ADGRG2: variants seen among roughly 807,000 people sequenced by gnomAD.
ADGRG2 encodes G protein-coupled receptor 64.
In ADGRG2, 26 loss-of-function variants were observed where a neutral mutation model predicts 74.1. The observed-to-expected ratio is 0.35, with a 90% CI of 0.26 to 0.49. The LOEUF (loss-of-function observed/expected upper bound fraction) is 0.49, where lower values mean the gene tolerates loss of function less well. Among genes scored for constraint, ADGRG2 ranks in the 20% least tolerant of loss-of-function variants. ADGRG2 has a pLI of 0.99. For synonymous variants in ADGRG2, 296 were observed against 295.2 expected (o/e 1.00, Z -0.03); for missense variants, 619 against 763.1 (o/e 0.81, Z 2.22).
intron 17 of ADGRG2, among the ~76,000 whole-genome samples, chrX:19,009,999 C>T (rs1440750097): frequency 8.1e-5 from 9 of 110,910 alleles, no homozygotes; most frequent in East Asian, 2.8e-4. Flanking sequence ...TTAGTAGAGA[C>T]GGGGTTTCAC....
chrX:18,996,132 A>G lies in ADGRG2; in HGVS notation c.2635T>C (p.Tyr879His), dbSNP rs2060013928. ...CTGACATTTTCTTTGGCCACACAGT[A>G]AAAGATGAATATGAAAAATCCTAAG... ...TLQGFFIFIF[Y>H]CVAKENVRKQ... Residue 879 changes from tyrosine (Y) to histidine (H), a missense_variant, in exon 27 of 29, where the codon TAC becomes CAC. Physicochemically the swap from Tyr to His is moderately conservative, Grantham distance 83 (BLOSUM62 2). Transcript: ENST00000379869. 1.7e-6 allele frequency: 2 copies of G among 1,148,632 alleles called. No individual in the cohort carries two copies. Among genetic ancestry groups the G allele is most frequent in the East Asian group, 6.0e-5 (2 of 33,515 alleles). The allele number at this position is 1,148,632 out of a possible 1,213,427, so 94.7% of individuals were successfully genotyped here. A position where few individuals can be genotyped will look rare whatever the true frequency, so the allele number is the denominator to read the frequency against.
chrX:19,110,047 T>C (rs1370827729), intron 1 of ADGRG2, among the ~76,000 whole-genome samples: 1 of 111,824 alleles, frequency 8.9e-6, no homozygotes, highest in Non-Finnish European at 1.9e-5. Flanking sequence ...TTAGTGAGTA[T>C]CTTCCATGTG....
At position 19,037,484 on chromosome X, in the gene ADGRG2, T is replaced by A. The variant is rs1219169339; in HGVS notation, c.209A>T (p.Glu70Val). ...ATTCTTACCATTGAGGCTTGTTGTT[T>A]CAACCTCTTTTTGTCCCGAGGAGAA... The part of the protein sequence containing the change: ...APSSNGTPEV[E>V]TTSLNDVTLS... Residue 70 changes from glutamate (E) to valine (V), a missense_variant, in exon 6 of 29, where the codon GAA becomes GTA. Transcript: ENST00000379869. The A allele has an allele frequency of 8.5e-7, 1 of 1,179,459 alleles. No individual in the cohort carries two copies. The highest frequency in any genetic ancestry group is 1.8e-5 in the African/African-American group (1 of 56,633).
chrX:19,032,714 C>T (rs1316384296), intron 8 of ADGRG2: 2 of 111,311 alleles, frequency 1.8e-5, no homozygotes, highest in East Asian at 2.8e-4. Context: ...TGCAACCACT[C>T]GTGTTTTACG....
chrX:19,019,355 T>A (rs2146622590), intron 15 of ADGRG2, among the ~76,000 whole-genome samples: 1 of 111,284 alleles, frequency 9.0e-6, no homozygotes, highest in Non-Finnish European at 1.9e-5. Flanking sequence ...TGACAAAACA[T>A]TTAGTTGGTG....
At chrX:19,080,996 G>A (rs1021487001) in intron 2 of ADGRG2, among the ~76,000 whole-genome samples, 1 of 110,484 alleles carries the variant, frequency 9.1e-6, no homozygotes, top group Non-Finnish European at 1.9e-5. Flanking sequence ...TTCTATGCCA[G>A]GGACTTGAGA....
chrX:19,045,294 G>GTTATTATTATTATTATTATTATTATTA (rs3056193), intron 3 of ADGRG2, among the ~76,000 whole-genome samples: 5 of 95,381 alleles, frequency 5.2e-5, no homozygotes, highest in African/African-American at 1.2e-4. Context: ...GGGGGGTGTT[G>GTTATTATTATTATTATTATTATTATTA]TTATTATTAT....
intron 26 of ADGRG2, among the ~76,000 whole-genome samples, chrX:18,997,903 A>C (rs1315637331): frequency 8.9e-6 from 1 of 112,952 alleles, no homozygotes; most frequent in Non-Finnish European, 1.9e-5. Flanking sequence ...ACTAAGGGAC[A>C]GTGAATTATT....
intron 1 of ADGRG2, among the ~76,000 whole-genome samples, chrX:19,086,734 G>C (rs2146976557): frequency 9.0e-6 from 1 of 111,115 alleles, no homozygotes; most frequent in Admixed American, 9.6e-5. Context: ...TCCAAGGAAG[G>C]ACCAACCAAA....
intron 1 of ADGRG2, among the ~76,000 whole-genome samples, chrX:19,089,518 T>C (rs1244077043): frequency 8.9e-6 from 1 of 112,101 alleles, no homozygotes; most frequent in Non-Finnish European, 1.9e-5. Flanking sequence ...CAAAATTACA[T>C]TGCAAAATCC....
At chrX:19,112,700 C>G (rs1204367079) in intron 1 of ADGRG2, among the ~76,000 whole-genome samples, 1 of 106,985 alleles carries the variant, frequency 9.3e-6, no homozygotes, top group Non-Finnish European at 1.9e-5. Flanking sequence ...TGTCTGTAAT[C>G]CCAGCACTCA....
At chrX:19,116,337 C>T (rs1406384565) in intron 1 of ADGRG2, among the ~76,000 whole-genome samples, 1 of 107,980 alleles carries the variant, frequency 9.3e-6, no homozygotes, top group Non-Finnish European at 1.9e-5. Flanking sequence ...ATGGTAAAAC[C>T]CCGACTCTAC....
At chrX:19,008,397 G>A (rs753102926) in intron 18 of ADGRG2, among the ~76,000 whole-genome samples, 10 of 111,664 alleles carry the variant, frequency 9.0e-5, no homozygotes, top group Non-Finnish European at 1.7e-4. Flanking sequence ...TGGGCACGGC[G>A]GCTCACACCT....
intron 9 of ADGRG2, among the ~76,000 whole-genome samples, chrX:19,029,997 T>A (rs750559370): frequency 2.3e-3 from 256 of 112,190 alleles, no homozygotes; most frequent in Non-Finnish European, 4.1e-3. Context: ...AATGAGCAAA[T>A]CTTATATTCA....
At chrX:19,028,084 T>C (rs2060744053) in intron 10 of ADGRG2, 99 bp downstream of exon 10, 1 of 526,019 alleles carries the variant, frequency 1.9e-6, no homozygotes, top group Admixed American at 3.4e-5. Context: ...TAACAATAAA[T>C]ATACCAAATA....
At chrX:19,075,247 G>GA (rs202006973) in intron 2 of ADGRG2, among the ~76,000 whole-genome samples, 2,279 of 95,132 alleles carry the variant, frequency 0.024, 75 homozygotes, top group African/African-American at 0.078. Context: ...TAGTGAAAAT[G>GA]AAAAAAAAAA....
intron 7 of ADGRG2, chrX:19,035,103 C>T (rs371476016): frequency 9.0e-6 from 1 of 111,585 alleles, no homozygotes; most frequent in East Asian, 2.8e-4. Context: ...AAAACCTAAG[C>T]GTTGAGAGAA....
chrX:19,019,225 CA>C (rs747902751), intron 15 of ADGRG2, among the ~76,000 whole-genome samples: 1 of 112,180 alleles, frequency 8.9e-6, no homozygotes, highest in African/African-American at 3.2e-5. Flanking sequence ...CAAAAAGATA[CA>C]AAACAGCCCC....
chrX:19,028,355 A>C, intron 9 of ADGRG2, 117 bp from the exon 10 acceptor site: 1 of 371,238 alleles, frequency 2.7e-6, no homozygotes, highest in Non-Finnish European at 4.7e-6. Flanking sequence ...TTTTATTCAC[A>C]TTTACTTTGT....
Sources: gnomAD v4.1 joint callset for allele counts (sites outside exome capture counted in the v4.1 genomes callset) on GRCh38, gnomAD v4.1.1 for gene constraint, MANE v1.5 for transcripts, NCBI Gene and HGNC (gene_info 2026-07-23, HGNC 2026-07-21) for gene names.